Variants in PCSK5 observed in about 807,000 individuals in gnomAD.
PCSK5 encodes the protein proprotein convertase subtilisin/kexin type 5.
In PCSK5, 129 loss-of-function variants were observed where a neutral mutation model predicts 233.2. The ratio of observed to expected loss-of-function variants is 0.55; its 90% CI spans 0.48 to 0.64. The LOEUF is 0.64. Among genes scored for constraint, PCSK5 ranks in the 30% least tolerant of loss-of-function variants. The pLI, the probability that PCSK5 is intolerant of heterozygous loss-of-function variation, is 0.00. For synonymous variants in PCSK5, 825 were observed against 879.2 expected (o/e 0.94, Z 1.09); for missense variants, 2,076 against 2,430.1 (o/e 0.85, Z 3.06).
chr9:76,046,324 C>A (rs887793539), intron 5 of PCSK5, among the ~76,000 whole-genome samples: 2 of 150,022 alleles, frequency 1.3e-5, no homozygotes, highest in African/African-American at 4.9e-5. Context: ...ATTACAGGCG[C>A]GCGCCGCTAT....
chr9:75,933,880 A>G (rs1823926517), intron 2 of PCSK5, among the ~76,000 whole-genome samples: 1 of 152,218 alleles, frequency 6.6e-6, no homozygotes, highest in African/African-American at 2.4e-5. Context: ...GAACTTTGGT[A>G]ATTAAAACGA....
chr9:76,345,955 AGTG>A, intron 35 of PCSK5, among the ~76,000 whole-genome samples: 1 of 151,504 alleles, frequency 6.6e-6, no homozygotes, highest in Non-Finnish European at 1.5e-5. Context: ...CCTGGTCTCA[AGTG>A]ATCAGTGCAC....
At chr9:76,281,388 G>T (rs1414755207) in intron 24 of PCSK5, among the ~76,000 whole-genome samples, 1 of 152,154 alleles carries the variant, frequency 6.6e-6, no homozygotes, top group Non-Finnish European at 1.5e-5. Flanking sequence ...TAAGAATTAT[G>T]CCAAATCCAT....
chr9:76,327,195 C>G (rs749212838), intron 32 of PCSK5, among the ~76,000 whole-genome samples: 1 of 151,606 alleles, frequency 6.6e-6, no homozygotes, highest in Non-Finnish European at 1.5e-5. Flanking sequence ...CAGCCTTGAC[C>G]TCCTGGGCTC....
chr9:76,188,540 C>G, intron 17 of PCSK5, 38 bp from the exon 18 acceptor site: 1 of 1,414,096 alleles, frequency 7.1e-7, no homozygotes, highest in Non-Finnish European at 1.0e-6. Flanking sequence ...GGCCTCATCA[C>G]AACAGTCTGT....
chr9:76,157,804 A>C lies in PCSK5; in HGVS notation c.1430+642A>C, dbSNP rs138540923. ...AAATCAACTAAAGTTGTTTGAGTTT[A>C]TTTTCATTCTACTCTTGTGGCAAAG... On this transcript the variant is annotated intron_variant, in intron 11 of 37. Transcript: ENST00000674117. Among the ~76,000 whole-genome samples, 1,216 of 152,262 alleles carry C rather than the reference A, an allele frequency of 8.0e-3. 33 individuals carry two copies. The highest frequency in any genetic ancestry group is 0.026 in the African/African-American group (1,087 of 41,534).
At chr9:76,320,067 C>T (rs1304045432) in intron 30 of PCSK5, among the ~76,000 whole-genome samples, 2 of 152,112 alleles carry the variant, frequency 1.3e-5, no homozygotes, top group Non-Finnish European at 1.5e-5. Context: ...CCCAGCCATT[C>T]GGGGCCACTA....
At chr9:76,355,211 G>C (rs148864186) in intron 37 of PCSK5, among the ~76,000 whole-genome samples, 2 of 152,268 alleles carry the variant, frequency 1.3e-5, no homozygotes, top group South Asian at 4.1e-4. Context: ...GGTGGCTCAC[G>C]CCTGTAATCT....
rs1488905105 is a variant in PCSK5, at chr9:75,890,892, C to G, written c.-290C>G. 2 of 334,440 alleles carry G rather than the reference C, an allele frequency of 6.0e-6. No homozygotes were observed. Among genetic ancestry groups the G allele is most frequent in the Admixed American group, 4.9e-5 (1 of 20,452 alleles). The allele number at this position is 334,440 out of a possible 1,614,324, so 20.7% of individuals were successfully genotyped here. ...AAACCCAACTGCGGAGGACGCCCGC[C>G]CCACTCAGCCTCCTCCTGCGTCCGA... is the stretch of plus-strand genomic sequence containing the variant. On this transcript the variant is annotated 5_prime_UTR_variant, in exon 1 of 38. Coordinates refer to ENST00000674117, the MANE Select transcript of PCSK5 (RefSeq NM_001372043.1).
intron 30 of PCSK5, among the ~76,000 whole-genome samples, chr9:76,314,782 G>A (rs888862386): frequency 2.0e-5 from 3 of 146,342 alleles, no homozygotes; most frequent in Middle Eastern, 4.3e-3. Context: ...GATTACAGGC[G>A]CATGCCACCA....
intron 9 of PCSK5, among the ~76,000 whole-genome samples, chr9:76,110,157 A>G (rs1366494901): frequency 6.6e-6 from 1 of 152,192 alleles, no homozygotes; most frequent in East Asian, 1.9e-4. Flanking sequence ...TTTTAAGAAG[A>G]GAGGAGAGAA....
intron 3 of PCSK5, among the ~76,000 whole-genome samples, chr9:75,994,188 A>G (rs1826895798): frequency 6.6e-6 from 1 of 152,120 alleles, no homozygotes; most frequent in South Asian, 2.1e-4. Flanking sequence ...TTCTGCTTTT[A>G]GTGAGTAGAG....
intron 16 of PCSK5, 96 bp downstream of exon 16, chr9:76,181,687 T>C (rs1440533930): frequency 1.3e-6 from 1 of 771,496 alleles, no homozygotes; most frequent in Non-Finnish European, 2.1e-6. Flanking sequence ...AAATCTGGAA[T>C]TGTGCTTCAT....
chr9:76,112,272 G>T (rs990219454), intron 9 of PCSK5, among the ~76,000 whole-genome samples: 1 of 152,046 alleles, frequency 6.6e-6, no homozygotes, highest in South Asian at 2.1e-4. Context: ...TTCCTAAAAG[G>T]GTATTGGTAT....
chr9:76,176,761 GTATT>G (rs1234515155), intron 14 of PCSK5, among the ~76,000 whole-genome samples: 6 of 152,086 alleles, frequency 3.9e-5, no homozygotes, highest in African/African-American at 1.4e-4. Flanking sequence ...TCTATTGGTT[GTATT>G]TATTTTATAT....
In PCSK5 at chr9:76,215,657, C is replaced by T. The variant is rs1300427952; in HGVS notation, c.2627-11846C>T. Among the ~76,000 whole-genome samples, 4 of 152,224 alleles carry T rather than the reference C, an allele frequency of 2.6e-5. No homozygotes were observed. The East Asian group carries it at 5.8e-4, about 22-fold the overall frequency. ...AGAGTGGAGGCCAGGTGTGGTGGCT[C>T]ATGCCTGTAATCCCAGCACTTTGGG... On this transcript the variant is annotated intron_variant, in intron 20 of 37. Coordinates refer to ENST00000674117, the MANE Select transcript of PCSK5 (RefSeq NM_001372043.1).
intron 10 of PCSK5, among the ~76,000 whole-genome samples, chr9:76,138,315 G>C (rs1823061030): frequency 6.6e-6 from 1 of 152,026 alleles, no homozygotes; most frequent in Admixed American, 6.6e-5. Context: ...CTAAAATTCA[G>C]GTTAATGTCG....
rs73460363 is a variant in PCSK5 at position 76,226,183 on chromosome 9, G to T, written c.2627-1320G>T. Reference sequence around the variant, plus strand: ...TAGATGTTTGCATCACTCTGAACATGCACTTTTCCCTTCTGTTAACAAAAT... The same window carrying T: ...TAGATGTTTGCATCACTCTGAACATTCACTTTTCCCTTCTGTTAACAAAAT... On this transcript the variant is annotated intron_variant, in intron 20 of 37. Transcript: ENST00000674117. 8.0e-3 allele frequency among the ~76,000 whole-genome samples: 1,223 copies of T among 152,282 alleles called. 14 individuals are homozygous for T. The highest frequency in any genetic ancestry group is 0.029 in the African/African-American group (1,190 of 41,556).
At chr9:76,096,971 G>A (rs1054228018) in intron 8 of PCSK5, among the ~76,000 whole-genome samples, 25 of 149,696 alleles carry the variant, frequency 1.7e-4, no homozygotes, top group African/African-American at 5.2e-4. Flanking sequence ...TCGCTCTTTC[G>A]CCCAGGCTGG....
Sources: gnomAD v4.1 joint callset for allele counts (sites outside exome capture counted in the v4.1 genomes callset) on GRCh38, gnomAD v4.1.1 for gene constraint, MANE v1.5 for transcripts, NCBI Gene and HGNC (gene_info 2026-07-23, HGNC 2026-07-21) for gene names.